Variants in SEC23B observed in about 807,000 individuals in gnomAD.
SEC23B encodes protein transport protein Sec23B.
In SEC23B, 77 loss-of-function variants were observed where a neutral mutation model predicts 104.3. That is an observed-to-expected ratio of 0.74 (90% confidence interval 0.61 to 0.89). The LOEUF is 0.89. Among genes scored for constraint, SEC23B ranks in the 40% least tolerant of loss-of-function variants. The pLI, the probability that SEC23B is intolerant of heterozygous loss-of-function variation, is 0.00. For missense variants in SEC23B, 885 were observed against 949.4 expected, an observed-to-expected ratio of 0.93 and a Z score of 0.89; for synonymous variants, 338 against 332.5, an observed-to-expected ratio of 1.02 and a Z score of -0.18.
intron 11 of SEC23B, among the ~76,000 whole-genome samples, 185 bp from the exon 12 acceptor site, chr20:18,535,468 G>A (rs1249810831): frequency 2.0e-5 from 3 of 152,168 alleles, no homozygotes; most frequent in Non-Finnish European, 4.4e-5. Flanking sequence ...ATTTTAAAGT[G>A]TAAATGTAAA....
chr20:18,557,022 A>T (rs946475516), intron 19 of SEC23B, among the ~76,000 whole-genome samples: 1 of 152,226 alleles, frequency 6.6e-6, no homozygotes, highest in African/African-American at 2.4e-5. Context: ...TGAATTTATT[A>T]TAGACAGCTT....
rs1568593884 is a variant in SEC23B at position 18,508,336 on chromosome 20, CT to C, written c.-15+366del. ...CTTCAAGGATTAAACCTCACTTATT[CT>C]TACATACACATGGTCACTGTGTCCT... On this transcript the variant is annotated intron_variant, in intron 1 of 19. Transcript: ENST00000650089. 4 of 152,348 alleles carry C rather than the reference CT, an allele frequency of 2.6e-5. No individual in the cohort carries two copies. The East Asian group carries it at 7.7e-4, about 29-fold the overall frequency. The allele number at this position is 152,348 out of a possible 1,614,324, so 9.4% of individuals were successfully genotyped here. A position where few individuals can be genotyped will look rare whatever the true frequency, so the allele number is the denominator to read the frequency against.
At chr20:18,555,811 T>G (rs1431344336) in intron 19 of SEC23B, among the ~76,000 whole-genome samples, 3 of 152,108 alleles carry the variant, frequency 2.0e-5, no homozygotes. Flanking sequence ...ACCGGGATAT[T>G]GAGATTTTTA....
At chr20:18,519,149 T>A (rs2060060427) in intron 4 of SEC23B, among the ~76,000 whole-genome samples, 1 of 151,870 alleles carries the variant, frequency 6.6e-6, no homozygotes, top group Admixed American at 6.6e-5. Context: ...ATAAACCAGG[T>A]GTGATCAGGG....
intron 15 of SEC23B, among the ~76,000 whole-genome samples, chr20:18,548,132 G>GCTC (rs1486457866): frequency 3.3e-5 from 5 of 151,912 alleles, no homozygotes; most frequent in Admixed American, 2.0e-4. Context: ...TGGATTTTTA[G>GCTC]TAGAGACGGG....
chr20:18,536,596 G>A (rs1028922731), intron 12 of SEC23B, among the ~76,000 whole-genome samples: 1 of 151,980 alleles, frequency 6.6e-6, no homozygotes, highest in African/African-American at 2.4e-5. Context: ...GGAGGCTGAG[G>A]CAGGAGAATG....
rs570409272 is a variant in SEC23B at position 18,548,722 on chromosome 20, C to G, written c.1857C>G (p.Ile619Met). 1.2e-5 allele frequency: 19 copies of G among 1,614,188 alleles called. No homozygotes were observed. The Admixed American group carries it at 1.7e-4, about 14-fold the overall frequency. The change falls in exon 16 of 20, where the codon ATC becomes ATG. Residue 619 changes from isoleucine to methionine, a missense_variant. Coordinates refer to ENST00000650089, the MANE Select transcript of SEC23B (RefSeq NM_006363.6). ...FARQDLTQSL[I>M]MIQPILYSYS... The stretch of plus-strand genomic sequence containing the variant: ...GGCAGGACCTGACCCAGTCCCTCAT[C>G]ATGATCCAGCCCATTCTCTACTCTT...
At chr20:18,513,396 T>C (rs2059998092) in intron 3 of SEC23B, among the ~76,000 whole-genome samples, 1 of 152,076 alleles carries the variant, frequency 6.6e-6, no homozygotes, top group Non-Finnish European at 1.5e-5. Flanking sequence ...AAAAGTGGAT[T>C]GTGGTAATTA....
chr20:18,537,751 A>C (rs1392574697), intron 12 of SEC23B, among the ~76,000 whole-genome samples: 1 of 152,034 alleles, frequency 6.6e-6, no homozygotes, highest in African/African-American at 2.4e-5. Flanking sequence ...ATAAAAAATA[A>C]ATAAATAAAT....
intron 19 of SEC23B, among the ~76,000 whole-genome samples, chr20:18,556,283 G>A (rs2060437803): frequency 6.6e-6 from 1 of 152,140 alleles, no homozygotes; most frequent in Non-Finnish European, 1.5e-5. Context: ...AAAGTGTATG[G>A]GAGGGTATGC....
intron 4 of SEC23B, among the ~76,000 whole-genome samples, chr20:18,519,007 G>T (rs1235350324): frequency 6.6e-6 from 1 of 152,178 alleles, no homozygotes; most frequent in Non-Finnish European, 1.5e-5. Context: ...TCAAGTTAAG[G>T]CAATGAGTTC....
intron 4 of SEC23B, among the ~76,000 whole-genome samples, chr20:18,523,459 A>G (rs76360299): frequency 1.4e-5 from 2 of 141,292 alleles, no homozygotes; most frequent in Non-Finnish European, 3.0e-5. Flanking sequence ...CTGGAGTGCA[A>G]TGGCACGATC....
intron 15 of SEC23B, among the ~76,000 whole-genome samples, chr20:18,546,460 G>A (rs1196156654): frequency 6.6e-6 from 1 of 152,168 alleles, no homozygotes; most frequent in Non-Finnish European, 1.5e-5. Context: ...ATAACCAGGA[G>A]TGAGCAATAA....
At chr20:18,550,262 C>G (rs1472835519) in intron 16 of SEC23B, among the ~76,000 whole-genome samples, 1 of 151,890 alleles carries the variant, frequency 6.6e-6, no homozygotes, top group Non-Finnish European at 1.5e-5. Context: ...TCAGGTGATC[C>G]TCCCACTTCA....
intron 12 of SEC23B, among the ~76,000 whole-genome samples, chr20:18,540,172 C>T (rs915499012): frequency 6.6e-6 from 1 of 152,206 alleles, no homozygotes; most frequent in Non-Finnish European, 1.5e-5. Flanking sequence ...AGATCCATCC[C>T]AGGAATCACT....
chr20:18,537,161 T>C (rs62216395), intron 12 of SEC23B, among the ~76,000 whole-genome samples: 145,999 of 146,366 alleles, frequency 1, 72,817 homozygotes, highest in Middle Eastern at 1. Flanking sequence ...ACTAGTTCAA[T>C]CCTTGTGGAA....
In SEC23B at chr20:18,535,761, C is replaced by T; in HGVS notation, c.1404+19C>T. ...CAATCAGGTGAGTTGGATTTCTTCA[C>T]ATGTCTTCATGTCTTAGTGTCCTGT... On this transcript the variant is annotated intron_variant, in intron 12 of 19. Transcript: ENST00000650089. The T allele has an allele frequency of 6.5e-7, 1 of 1,542,846 alleles. No individual in the cohort carries two copies. Among genetic ancestry groups the T allele is most frequent in the Non-Finnish European group, 9.0e-7 (1 of 1,114,948 alleles).
rs1192980314 is a variant in SEC23B, at chr20:18,535,571, C to G, written c.1315-82C>G. 7.4e-5 allele frequency: 76 copies of G among 1,031,518 alleles called. 1 individual carries two copies. In the South Asian group the frequency reaches 9.4e-4, roughly 13 times the overall value. 63.9% of individuals were successfully genotyped at this position (1,031,518 alleles called of 1,614,324 possible). On this transcript the variant is annotated intron_variant, in intron 11 of 19. Transcript: ENST00000650089. ...AAGATACTCTAAGTAGCCTGCCCTACTCAGTCAGTACTTTTCATTAGCAAT... is the reference window on the plus strand; with the variant it reads ...AAGATACTCTAAGTAGCCTGCCCTAGTCAGTCAGTACTTTTCATTAGCAAT...
chr20:18,532,678 G>A lies in SEC23B; in HGVS notation c.1248G>A (p.Leu416=). 1 of 1,613,498 alleles carries A rather than the reference G, an allele frequency of 6.2e-7. No homozygotes were observed. Among genetic ancestry groups the A allele is most frequent in the South Asian group, 1.1e-5 (1 of 91,072 alleles). The change falls in exon 11 of 20, where the codon CTG becomes CTA. Residue 416 remains leucine (L), a synonymous_variant. Transcript: ENST00000650089. Reference sequence around the variant, plus strand: ...ATTTGTTATAGACCTCTCGGGAACTGAAGATTGCAGGAGCCATTGGTCCAT... The same window carrying A: ...ATTTGTTATAGACCTCTCGGGAACTAAAGATTGCAGGAGCCATTGGTCCAT... ...ATLDVKTSRE[L]KIAGAIGPCV... is the part of the protein sequence containing the mutation.
Sources: allele counts gnomAD v4.1 joint callset (sites outside exome capture counted in the v4.1 genomes callset), GRCh38; gene constraint gnomAD v4.1.1; transcripts MANE v1.5; gene names NCBI Gene and HGNC (gene_info 2026-07-23, HGNC 2026-07-21).